PAGE2B: variants seen among roughly 807,000 people sequenced by gnomAD.
PAGE2B encodes the protein putative G antigen family E member 3.
A neutral mutation model predicts 7.6 loss-of-function variants in PAGE2B; 5 were observed. That is an observed-to-expected ratio of 0.66 (90% CI 0.34 to 1.38). The LOEUF is 1.38. Among genes scored for constraint, PAGE2B ranks in the 40% most tolerant of loss-of-function variants. The pLI is 0.04. For missense variants in PAGE2B, 70 were observed against 78.4 expected, an observed-to-expected ratio of 0.89 and a Z score of 0.41; for synonymous variants, 29 against 26.7, an observed-to-expected ratio of 1.09 and a Z score of -0.27.
chrX:55,068,495 T>G, the PAGE2B span, among the ~76,000 whole-genome samples: 1 of 112,074 alleles, frequency 8.9e-6, no homozygotes, highest in African/African-American at 3.2e-5. Context: ...TTGTTCTTTC[T>G]GCTTAGGATT....
the PAGE2B span, among the ~76,000 whole-genome samples, chrX:55,035,418 G>A: frequency 2.7e-5 from 3 of 111,727 alleles, no homozygotes; most frequent in Admixed American, 2.9e-4. Context: ...TGAGTTTACT[G>A]GATAAAGCAC....
chrX:55,074,581 A>G, upstream of PAGE2B, among the ~76,000 whole-genome samples: 1 of 112,339 alleles, frequency 8.9e-6, no homozygotes, highest in East Asian at 2.8e-4. Flanking sequence ...AAAGATTTTG[A>G]ACGTACAATA....
chrX:55,032,848 A>G, the PAGE2B span, among the ~76,000 whole-genome samples: 1 of 111,566 alleles, frequency 9.0e-6, no homozygotes, highest in Admixed American at 9.6e-5. Context: ...TTTAAAACTA[A>G]AGATTAATTC....
At chrX:55,047,739 T>A in the PAGE2B span, among the ~76,000 whole-genome samples, 1 of 112,181 alleles carries the variant, frequency 8.9e-6, no homozygotes, top group African/African-American at 3.2e-5. Flanking sequence ...TCTGTTCATG[T>A]CCTTTGCCCA....
chrX:55,049,852 T>C, the PAGE2B span, among the ~76,000 whole-genome samples: 1 of 111,721 alleles, frequency 9.0e-6, no homozygotes, highest in Non-Finnish European at 1.9e-5. Context: ...TCTGCTAGCT[T>C]TTGGATGTGT....
chrX:55,071,168 T>G (rs59450127), upstream of PAGE2B, among the ~76,000 whole-genome samples: 7,812 of 111,096 alleles, frequency 0.07, 637 homozygotes, highest in African/African-American at 0.23. Flanking sequence ...TTGTTTGTTT[T>G]TTTTGCAGTA....
the PAGE2B span, among the ~76,000 whole-genome samples, chrX:55,039,484 CTTT>C: frequency 2.1e-5 from 2 of 95,697 alleles, no homozygotes; most frequent in Non-Finnish European, 2.1e-5. Flanking sequence ...GAAGAAAATT[CTTT>C]TTTTTTTTTT....
upstream of PAGE2B, chrX:55,074,940 T>C (rs1936487165): frequency 8.8e-6 from 1 of 113,167 alleles, no homozygotes; most frequent in Non-Finnish European, 1.9e-5. Context: ...TCAGTGTGCA[T>C]GCTGCACAGA....
At chrX:55,031,138 C>T in the PAGE2B span, 2 of 253,240 alleles carry the variant, frequency 7.9e-6, no homozygotes, top group Non-Finnish European at 7.5e-6. Flanking sequence ...AGTGTACCCC[C>T]TCCCCCAGCT....
At chrX:55,065,153 G>A in the PAGE2B span, among the ~76,000 whole-genome samples, 6 of 111,594 alleles carry the variant, frequency 5.4e-5, no homozygotes, top group Non-Finnish European at 5.7e-5. Flanking sequence ...GGGTGTTGAA[G>A]TTTCCAGCTA....
the PAGE2B span, among the ~76,000 whole-genome samples, chrX:55,066,160 G>A: frequency 5.4e-5 from 6 of 111,196 alleles, no homozygotes; most frequent in East Asian, 2.8e-4. Context: ...GCATGATCTC[G>A]GCTCACTGCA....
the PAGE2B span, among the ~76,000 whole-genome samples, chrX:55,056,141 C>T: frequency 1.1e-4 from 12 of 111,384 alleles, no homozygotes; most frequent in Middle Eastern, 9.1e-3. Flanking sequence ...ATCCTTAGCT[C>T]TTCAAGCTCT....
At chrX:55,051,200 C>A in the PAGE2B span, among the ~76,000 whole-genome samples, 1 of 111,737 alleles carries the variant, frequency 8.9e-6, no homozygotes. Context: ...ATGGGCTTCC[C>A]TTTGTGGGTC....
chrX:55,067,740 A>C, the PAGE2B span, among the ~76,000 whole-genome samples: 1 of 111,784 alleles, frequency 8.9e-6, no homozygotes, highest in African/African-American at 3.3e-5. Flanking sequence ...TTTAATGATC[A>C]CCATGCTAAC....
chrX:55,071,679 C>T (rs1227918898), upstream of PAGE2B, among the ~76,000 whole-genome samples: 2 of 111,937 alleles, frequency 1.8e-5, no homozygotes, highest in African/African-American at 3.2e-5. Context: ...GTTACTTTCA[C>T]GTACAGTGAT....
the PAGE2B span, among the ~76,000 whole-genome samples, chrX:55,029,101 T>C: frequency 1.8e-5 from 2 of 111,924 alleles, no homozygotes; most frequent in African/African-American, 6.5e-5. Context: ...ATTGATAGAC[T>C]TTATTATTTT....
the PAGE2B span, chrX:55,054,859 T>C: frequency 8.9e-6 from 1 of 111,789 alleles, no homozygotes; most frequent in Non-Finnish European, 1.9e-5. Context: ...GGATCTTCGA[T>C]ATGCACAAAT....
intron 1 of PAGE2B, among the ~76,000 whole-genome samples, chrX:55,075,523 C>T (rs749382453): frequency 2.1e-4 from 23 of 110,791 alleles, no homozygotes; most frequent in Non-Finnish European, 3.6e-4. Context: ...ACTGTGGCCC[C>T]GAGGTCTGTA....
the PAGE2B span, among the ~76,000 whole-genome samples, chrX:55,047,957 T>G: frequency 8.9e-6 from 1 of 112,163 alleles, no homozygotes; most frequent in Non-Finnish European, 1.9e-5. Context: ...AGGTCTAACA[T>G]GTAAGTCTTT....
Sources: allele counts gnomAD v4.1 joint callset (sites outside exome capture counted in the v4.1 genomes callset), GRCh38; gene constraint gnomAD v4.1.1; transcripts MANE v1.5; gene names NCBI Gene and HGNC (gene_info 2026-07-23, HGNC 2026-07-21).